Variants in SEMA3D observed in about 807,000 individuals in gnomAD.
SEMA3D encodes semaphorin-3D.
A neutral mutation model predicts 100.1 loss-of-function variants in SEMA3D; 84 were observed. That is an observed-to-expected ratio of 0.84 (90% CI 0.70 to 1.01). The LOEUF is 1.01. Ranked by LOEUF, SEMA3D falls within the 50% of genes least tolerant of loss-of-function variation. The probability of loss-of-function intolerance (pLI) is 0.00; values close to 1 mark genes in which losing one functional copy is unlikely to be tolerated. For missense variants in SEMA3D, 875 were observed against 934.1 expected, an observed-to-expected ratio of 0.94 and a Z score of 0.82; for synonymous variants, 312 against 320.7, an observed-to-expected ratio of 0.97 and a Z score of 0.29.
the SEMA3D span, among the ~76,000 whole-genome samples, chr7:85,214,290 A>G: frequency 2.6e-5 from 4 of 152,174 alleles, no homozygotes; most frequent in Non-Finnish European, 5.9e-5. Context: ...AACACTAGTC[A>G]TCATTGGAAA....
Position 85,114,142 on chromosome 7 carries a change from TCTTA to T in SEMA3D, c.151+7595_151+7598del, listed in dbSNP as rs1334350657. On this transcript the variant is annotated intron_variant, in intron 3 of 18. Transcript: ENST00000284136. ...GAAAATGTCAAGGGAATGTTGTGATTCTTACTTCAGAAGCAGGAACGTGGTATAT... is the reference window on the plus strand; with the variant it reads ...GAAAATGTCAAGGGAATGTTGTGATTCTTCAGAAGCAGGAACGTGGTATAT... Among the ~76,000 whole-genome samples the T allele has an allele frequency of 2.6e-5, 4 of 152,254 alleles. No homozygotes were observed. The East Asian group carries it at 7.7e-4, about 29-fold the overall frequency.
intron 9 of SEMA3D, among the ~76,000 whole-genome samples, chr7:85,045,229 CTG>C (rs1484460858): frequency 1.3e-5 from 2 of 151,884 alleles, no homozygotes; most frequent in South Asian, 2.1e-4. Flanking sequence ...TCAGGATAAA[CTG>C]TGTTTAGTTG....
chr7:85,206,769 G>T, the SEMA3D span, among the ~76,000 whole-genome samples: 1 of 152,032 alleles, frequency 6.6e-6, no homozygotes, highest in African/African-American at 2.4e-5. Flanking sequence ...TGGAGAGGAG[G>T]AGGAAAAGAA....
At chr7:85,231,909 T>C in the SEMA3D span, among the ~76,000 whole-genome samples, 1 of 152,292 alleles carries the variant, frequency 6.6e-6, no homozygotes, top group South Asian at 2.1e-4. Flanking sequence ...GGAAAAACAT[T>C]TTTTTCTTAA....
intron 2 of SEMA3D, among the ~76,000 whole-genome samples, chr7:85,132,706 T>C (rs1175514581): frequency 6.6e-6 from 1 of 151,962 alleles, no homozygotes; most frequent in Non-Finnish European, 1.5e-5. Flanking sequence ...TAATAAAATG[T>C]AGAAATATCA....
At chr7:85,047,786 T>C (rs546008932) in intron 9 of SEMA3D, among the ~76,000 whole-genome samples, 2 of 151,954 alleles carry the variant, frequency 1.3e-5, no homozygotes, top group South Asian at 4.1e-4. Flanking sequence ...TTTAAGAACT[T>C]TAAAAAATAG....
intron 2 of SEMA3D, chr7:85,140,915 A>G (rs575207162): frequency 3.3e-6 from 2 of 609,506 alleles, no homozygotes; most frequent in South Asian, 1.5e-4. Flanking sequence ...CCTCAGTTAG[A>G]GATGATCACT....
At chr7:85,243,933 G>T in the SEMA3D span, among the ~76,000 whole-genome samples, 8 of 152,128 alleles carry the variant, frequency 5.3e-5, no homozygotes, top group Non-Finnish European at 1.0e-4. Flanking sequence ...CTGCATTCAA[G>T]AAATTAATTA....
At chr7:85,119,959 ATT>A (rs527903255) in intron 3 of SEMA3D, among the ~76,000 whole-genome samples, 29 of 138,840 alleles carry the variant, frequency 2.1e-4, no homozygotes, top group Middle Eastern at 3.6e-3. Flanking sequence ...CATTAAGTGA[ATT>A]TTTTTTTTTT....
At chr7:85,238,214 G>A in the SEMA3D span, among the ~76,000 whole-genome samples, 1 of 152,102 alleles carries the variant, frequency 6.6e-6, no homozygotes, top group Non-Finnish European at 1.5e-5. Context: ...CTATGGTAAA[G>A]TACAGCTTAT....
At chr7:85,098,152 T>G (rs1450348912) in intron 3 of SEMA3D, among the ~76,000 whole-genome samples, 187 bp from the exon 4 acceptor site, 1 of 151,766 alleles carries the variant, frequency 6.6e-6, no homozygotes, top group Admixed American at 6.6e-5. Context: ...TTTACTTGCC[T>G]AAATATACAT....
At chr7:85,020,124 T>G in intron 14 of SEMA3D, 109 bp downstream of exon 14, 1 of 698,384 alleles carries the variant, frequency 1.4e-6, no homozygotes, top group East Asian at 2.7e-5. Context: ...AAAGCTAATT[T>G]CAAAGGCTTC....
In SEMA3D at chr7:85,128,149, TTTATTTTATTTTA is replaced by T. The variant is rs530330847; in HGVS notation, c.-40-6231_-40-6219del. ...AAGAATTAACTATGTTTTTATTTAT[TTTATTTTATTTTA>T]TTATTTTATTTTATTTTATTTTTGA... On this transcript the variant is annotated intron_variant, in intron 2 of 18. Coordinates refer to ENST00000284136, the MANE Select transcript of SEMA3D (RefSeq NM_001384900.1). 5.0e-4 allele frequency among the ~76,000 whole-genome samples: 76 copies of T among 151,604 alleles called. 1 individual carries two copies. Among genetic ancestry groups the T allele is most frequent in the Middle Eastern group, 6.8e-3 (2 of 294 alleles).
intron 10 of SEMA3D, 91 bp downstream of exon 10, chr7:85,042,080 A>G: frequency 1.1e-6 from 1 of 908,548 alleles, no homozygotes; most frequent in South Asian, 1.4e-5. Context: ...GGTAAAATTA[A>G]TCAGGCATTT....
chr7:85,211,214 A>G, the SEMA3D span, among the ~76,000 whole-genome samples: 1 of 152,080 alleles, frequency 6.6e-6, no homozygotes. Flanking sequence ...TCCCAAAAGT[A>G]GATGTAAATA....
the SEMA3D span, among the ~76,000 whole-genome samples, chr7:85,224,735 T>C: frequency 1.3e-5 from 2 of 152,058 alleles, no homozygotes; most frequent in African/African-American, 4.8e-5. Flanking sequence ...CCTACAATAC[T>C]AATAAACATA....
chr7:85,034,510 G>A (rs989582492), intron 12 of SEMA3D, among the ~76,000 whole-genome samples: 5 of 152,090 alleles, frequency 3.3e-5, no homozygotes, highest in Admixed American at 1.3e-4. Context: ...TGGAGGCTAA[G>A]GCAGGAGAAG....
upstream of SEMA3D, among the ~76,000 whole-genome samples, chr7:85,191,573 C>T (rs1219215431): frequency 3.3e-5 from 5 of 152,044 alleles, no homozygotes; most frequent in Non-Finnish European, 7.4e-5. Flanking sequence ...GAAAAATATG[C>T]CCTCTTGTGG....
At chr7:85,158,425 T>C (rs1160562103) in intron 1 of SEMA3D, among the ~76,000 whole-genome samples, 1 of 152,170 alleles carries the variant, frequency 6.6e-6, no homozygotes, top group African/African-American at 2.4e-5. Flanking sequence ...CCTGTAGCGC[T>C]CCTAGGCTTA....
Sources: allele counts gnomAD v4.1 joint callset (sites outside exome capture counted in the v4.1 genomes callset), GRCh38; gene constraint gnomAD v4.1.1; transcripts MANE v1.5; gene names NCBI Gene and HGNC (gene_info 2026-07-23, HGNC 2026-07-21).